Variants in ATXN7 observed in about 807,000 individuals in gnomAD.
The protein encoded by ATXN7 is ataxin 7, also known as ataxin-7.
ATXN7 carries 12 observed loss-of-function variants against 70.5 expected under a neutral mutation model. That is an observed-to-expected ratio of 0.17 (90% CI 0.11 to 0.28). The LOEUF is 0.28. ATXN7 is among the 10% of genes least tolerant of loss of function. ATXN7 has a pLI of 1.00. For synonymous variants in ATXN7, 498 were observed against 448.7 expected (o/e 1.11, Z -1.39); for missense variants, 1,256 against 1,131.7 (o/e 1.11, Z -1.58).
Position 63,965,542 on chromosome 3 carries a change from C to T in ATXN7, c.499+13059C>T, listed in dbSNP as rs529122636. On this transcript the variant is annotated intron_variant, in intron 5 of 12. Coordinates refer to ENST00000674280, the MANE Select transcript of ATXN7 (RefSeq NM_001377405.1). Reference sequence around the variant, plus strand: ...TACATATAATTTTCGGTCAGTGAGGCACGGATGTTATTCTATTAAGATGTT... The same window carrying T: ...TACATATAATTTTCGGTCAGTGAGGTACGGATGTTATTCTATTAAGATGTT... 5.3e-5 allele frequency among the ~76,000 whole-genome samples: 8 copies of T among 152,248 alleles called. No homozygotes were observed. The East Asian group carries it at 1.5e-3, about 29-fold the overall frequency.
chr3:63,943,142 A>C (rs199625720), intron 4 of ATXN7, among the ~76,000 whole-genome samples: 6 of 152,242 alleles, frequency 3.9e-5, no homozygotes, highest in Admixed American at 1.3e-4. Context: ...AGTCTTTCCA[A>C]TGAAATGTGA....
chr3:63,896,639 A>T (rs1703457581), intron 1 of ATXN7, among the ~76,000 whole-genome samples: 1 of 152,348 alleles, frequency 6.6e-6, no homozygotes, highest in African/African-American at 2.4e-5. Flanking sequence ...AAATGAGAGA[A>T]AACATACAAG....
chr3:63,917,193 G>A (rs1387310493), intron 4 of ATXN7, among the ~76,000 whole-genome samples: 1 of 152,122 alleles, frequency 6.6e-6, no homozygotes, highest in Non-Finnish European at 1.5e-5. Context: ...GTGTTGGGAT[G>A]ACAGGTATGA....
intron 6 of ATXN7, chr3:63,980,631 C>A (rs925971888): frequency 8.1e-5 from 14 of 171,870 alleles, no homozygotes; most frequent in African/African-American, 3.3e-4. Flanking sequence ...CTAAGAATAA[C>A]AGCCACTATG....
At chr3:63,939,448 G>A (rs1488822852) in intron 4 of ATXN7, among the ~76,000 whole-genome samples, 2 of 152,028 alleles carry the variant, frequency 1.3e-5, no homozygotes, top group Non-Finnish European at 2.9e-5. Flanking sequence ...TATAGTCGAA[G>A]CAATGTTGAA....
At chr3:63,870,414 G>A (rs1702560673) in intron 1 of ATXN7, among the ~76,000 whole-genome samples, 1 of 152,126 alleles carries the variant, frequency 6.6e-6, no homozygotes, top group Non-Finnish European at 1.5e-5. Context: ...ACGTATGTGT[G>A]TGTGTGCTCA....
chr3:63,879,616 C>T (rs982355987), intron 1 of ATXN7, among the ~76,000 whole-genome samples: 1 of 151,444 alleles, frequency 6.6e-6, no homozygotes, highest in Non-Finnish European at 1.5e-5. Context: ...CTCAGCCTCC[C>T]GAGTAGCTGG....
chr3:63,990,152 G>A (rs369750973), intron 9 of ATXN7, 24 bp from the exon 10 acceptor site: 16 of 1,610,428 alleles, frequency 9.9e-6, no homozygotes, highest in African/African-American at 4.0e-5. Context: ...GATCTGATCC[G>A]TGCTGCACTT....
chr3:63,932,827 T>C lies in ATXN7; in HGVS notation c.395-19552T>C, dbSNP rs531773993. On this transcript the variant is annotated intron_variant, in intron 4 of 12. Coordinates refer to ENST00000674280, the MANE Select transcript of ATXN7 (RefSeq NM_001377405.1). ...CCCAGGCCTCTGGTCCAGTTTTATG[T>C]CTGCTCCTTGCTTTTTGTGTTCAGC... is the stretch of plus-strand genomic sequence containing the variant. Among the ~76,000 whole-genome samples, 3 of 152,312 alleles carry C rather than the reference T, an allele frequency of 2.0e-5. No individual in the cohort carries two copies. In the East Asian group the frequency reaches 5.8e-4, roughly 29 times the overall value.
At chr3:63,893,205 CTAT>C in intron 1 of ATXN7, among the ~76,000 whole-genome samples, 1 of 152,184 alleles carries the variant, frequency 6.6e-6, no homozygotes, top group African/African-American at 2.4e-5. Context: ...GCTACTACTA[CTAT>C]TATTATTGTC....
In ATXN7 at chr3:63,990,248, C is replaced by T. The variant is rs761217274; in HGVS notation, c.1434C>T (p.His478=). 1.1e-5 allele frequency: 18 copies of T among 1,613,940 alleles called. No homozygotes were observed. ...CTCCTCCAGTCCATGAATCTCCACACCCTCCCCTGCCTGCCACTGAGCCAG... is the reference window on the plus strand; with the variant it reads ...CTCCTCCAGTCCATGAATCTCCACATCCTCCCCTGCCTGCCACTGAGCCAG... ...IDPPPVHESP[H]PPLPATEPAS... is the part of the protein sequence containing the mutation. Residue 478 remains histidine, a synonymous_variant, in exon 10 of 13, where the codon CAC becomes CAT. Transcript: ENST00000674280.
At chr3:63,972,737 C>G (rs540692851) in intron 5 of ATXN7, among the ~76,000 whole-genome samples, 86 of 152,222 alleles carry the variant, frequency 5.6e-4, no homozygotes, top group Admixed American at 2.0e-3. Context: ...AAGTTGCTCC[C>G]CTGAGCTCCT....
At chr3:63,916,720 C>T (rs2107308282) in intron 4 of ATXN7, among the ~76,000 whole-genome samples, 1 of 152,298 alleles carries the variant, frequency 6.6e-6, no homozygotes, top group East Asian at 1.9e-4. Context: ...GTATATCATT[C>T]CCTCTTCTGC....
At chr3:63,902,024 C>A (rs1189626288) in intron 2 of ATXN7, 5 of 152,044 alleles carry the variant, frequency 3.3e-5, no homozygotes, top group African/African-American at 1.2e-4. Flanking sequence ...ACAGGGTTTC[C>A]TTTTGGAGTG....
chr3:63,912,594 A>G lies in ATXN7; in HGVS notation c.-5A>G, dbSNP rs565627597. The G allele has an allele frequency of 4.0e-5, 44 of 1,106,980 alleles. No homozygotes were observed. In the East Asian group the frequency reaches 3.3e-3, roughly 83 times the overall value. 68.6% of individuals were successfully genotyped at this position (1,106,980 alleles called of 1,614,324 possible). On this transcript the variant is annotated 5_prime_UTR_variant, in exon 3 of 13. Coordinates refer to ENST00000674280, the MANE Select transcript of ATXN7 (RefSeq NM_001377405.1). ...TTTTTTTGTTACATTGTAGGAGCGG[A>G]AAGAATGTCGGAGCGGGCCGCGGAT...
chr3:63,902,959 CTTTAAG>C (rs1483554371), intron 2 of ATXN7, among the ~76,000 whole-genome samples: 1 of 151,788 alleles, frequency 6.6e-6, no homozygotes, highest in African/African-American at 2.4e-5. Flanking sequence ...TAAAAAGTTC[CTTTAAG>C]TTTAAAGAAT....
At chr3:63,926,247 A>G (rs1029421755) in intron 4 of ATXN7, among the ~76,000 whole-genome samples, 1 of 152,222 alleles carries the variant, frequency 6.6e-6, no homozygotes, top group Admixed American at 6.5e-5. Flanking sequence ...CTAAAGGTTT[A>G]TTTTAGTGGA....
intron 1 of ATXN7, among the ~76,000 whole-genome samples, chr3:63,868,615 A>G (rs2107193627): frequency 6.6e-6 from 1 of 152,274 alleles, no homozygotes. Flanking sequence ...AGATATTTAG[A>G]GGAAAGTGGA....
At chr3:63,918,281 G>A (rs1319174821) in intron 4 of ATXN7, among the ~76,000 whole-genome samples, 1 of 151,744 alleles carries the variant, frequency 6.6e-6, no homozygotes, top group Admixed American at 6.6e-5. Context: ...CTTTCCTAGG[G>A]GAAAAAAATG....
Sources: gnomAD v4.1 joint callset for allele counts (sites outside exome capture counted in the v4.1 genomes callset) on GRCh38, gnomAD v4.1.1 for gene constraint, MANE v1.5 for transcripts, NCBI Gene and HGNC (gene_info 2026-07-23, HGNC 2026-07-21) for gene names.